VWA3B: variants seen among roughly 807,000 people sequenced by gnomAD.
The protein encoded by VWA3B is von Willebrand factor A domain-containing protein 3B.
VWA3B carries 138 observed loss-of-function variants against 158.3 expected under a neutral mutation model. The ratio of observed to expected loss-of-function variants is 0.87; its 90% CI spans 0.76 to 1.00. The LOEUF (loss-of-function observed/expected upper bound fraction) is 1.00, where lower values mean the gene tolerates loss of function less well. Ranked by LOEUF, VWA3B falls within the 50% of genes least tolerant of loss-of-function variation. VWA3B has a pLI of 0.00. For missense variants in VWA3B, 1,555 were observed against 1,565.1 expected (o/e 0.99, Z 0.11); for synonymous variants, 596 against 587.3 (o/e 1.01, Z -0.21).
intron 21 of VWA3B, among the ~76,000 whole-genome samples, chr2:98,260,899 C>T (rs544236548): frequency 6.6e-6 from 1 of 151,820 alleles, no homozygotes; most frequent in Non-Finnish European, 1.5e-5. Context: ...CATCCTTTCG[C>T]TTTTAACCTA....
chr2:98,266,953 C>A (rs1434706183), intron 21 of VWA3B, among the ~76,000 whole-genome samples: 1 of 149,182 alleles, frequency 6.7e-6, no homozygotes, highest in African/African-American at 2.5e-5. Context: ...TGGGCTGAGA[C>A]AATGGGGTTT....
intron 8 of VWA3B, chr2:98,179,286 G>T (rs2105336519): frequency 2.1e-6 from 1 of 471,160 alleles, no homozygotes; most frequent in African/African-American, 2.0e-5. Flanking sequence ...ATAGTTTTCT[G>T]CTTGTGTGAT....
intron 8 of VWA3B, among the ~76,000 whole-genome samples, chr2:98,174,117 G>A (rs377600471): frequency 8.5e-5 from 13 of 152,252 alleles, no homozygotes; most frequent in Middle Eastern, 3.4e-3. Flanking sequence ...TTCATAGAAG[G>A]CATAAGGACC....
rs1350127437 is a variant in VWA3B, at chr2:98,188,015, G to C, written c.1352G>C (p.Arg451Thr). 2 of 1,613,774 alleles carry C rather than the reference G, an allele frequency of 1.2e-6. No individual in the cohort carries two copies. Among genetic ancestry groups the C allele is most frequent in the Admixed American group, 1.7e-5 (1 of 59,972 alleles). Reference protein sequence around the residue: ...KKTVHAKYCSRFVHAPWKDGS... With the variant: ...KKTVHAKYCSTFVHAPWKDGS... The stretch of plus-strand genomic sequence containing the variant: ...ACAGTCCATGCAAAATATTGCAGCA[G>C]GTTTGTCCATGCTCCCTGGAAGGAT... Residue 451 changes from arginine (R) to threonine (T), a missense_variant, in exon 10 of 28, where the codon AGG becomes ACG. Physicochemically the swap from Arg to Thr is moderately conservative, Grantham distance 71. Transcript: ENST00000477737.
intron 7 of VWA3B, among the ~76,000 whole-genome samples, chr2:98,137,501 A>C (rs1676378387): frequency 2.0e-5 from 3 of 152,236 alleles, no homozygotes; most frequent in Non-Finnish European, 4.4e-5. Context: ...TCACAATTTC[A>C]AATAAAGACA....
chr2:98,102,076 T>C (rs1248335352), intron 2 of VWA3B, among the ~76,000 whole-genome samples: 1 of 152,188 alleles, frequency 6.6e-6, no homozygotes, highest in Non-Finnish European at 1.5e-5. Flanking sequence ...GTGATCACTC[T>C]TAATGAGCAT....
At chr2:98,168,002 C>T (rs1348363516) in intron 8 of VWA3B, among the ~76,000 whole-genome samples, 1 of 152,054 alleles carries the variant, frequency 6.6e-6, no homozygotes, top group African/African-American at 2.4e-5. Context: ...GAACAAAGCT[C>T]AAGAAAATTT....
intron 20 of VWA3B, among the ~76,000 whole-genome samples, chr2:98,254,938 A>G (rs1314301685): frequency 1.3e-5 from 2 of 152,182 alleles, no homozygotes; most frequent in African/African-American, 2.4e-5. Context: ...TGCTGGGTCC[A>G]GTGGTTAGAA....
intron 21 of VWA3B, among the ~76,000 whole-genome samples, chr2:98,264,968 A>G (rs1159810316): frequency 6.6e-6 from 1 of 151,584 alleles, no homozygotes; most frequent in African/African-American, 2.4e-5. Flanking sequence ...CTTTCAATCC[A>G]TGAACACAAA....
At chr2:98,159,601 T>C (rs939810907) in intron 7 of VWA3B, among the ~76,000 whole-genome samples, 1 of 152,104 alleles carries the variant, frequency 6.6e-6, no homozygotes, top group Admixed American at 6.5e-5. Flanking sequence ...AGGCGGGGGA[T>C]TGGGCAGGCA....
At chr2:98,179,812 TTCTTTCTTTCTTTCTTTTTC>T (rs1290485131) in intron 8 of VWA3B, among the ~76,000 whole-genome samples, 4 of 142,202 alleles carry the variant, frequency 2.8e-5, no homozygotes, top group African/African-American at 1.1e-4. Flanking sequence ...CTTTCTTTCT[TTCTTTCTTTCTTTCTTTTTC>T]TTTCTTTCTT....
At chr2:98,228,447 A>AAT in intron 15 of VWA3B, 115 bp downstream of exon 15, 1 of 1,295,760 alleles carries the variant, frequency 7.7e-7, no homozygotes, top group Non-Finnish European at 1.0e-6. Context: ...AGTGAAAAGA[A>AAT]TCACGTAGTG....
chr2:98,282,716 A>C (rs1688954890), intron 22 of VWA3B, among the ~76,000 whole-genome samples: 2 of 152,178 alleles, frequency 1.3e-5, no homozygotes, highest in African/African-American at 4.8e-5. Context: ...TGGGATTACA[A>C]GTGTGAGTCA....
At chr2:98,251,369 G>A (rs965640942) in intron 20 of VWA3B, among the ~76,000 whole-genome samples, 7 of 152,008 alleles carry the variant, frequency 4.6e-5, no homozygotes, top group African/African-American at 1.7e-4. Context: ...TGGAAATAAC[G>A]GCTTTTGTTA....
rs571910980 is a variant in VWA3B, at chr2:98,251,894, C to A, written c.2792+1458C>A. ...GGCTCCTCAGCAGCCTCTGTGGGCTCCTCAGTATTTCTGAATCTTTACCTG... is the reference window on the plus strand; with the variant it reads ...GGCTCCTCAGCAGCCTCTGTGGGCTACTCAGTATTTCTGAATCTTTACCTG... On this transcript the variant is annotated intron_variant, in intron 20 of 27. Coordinates refer to ENST00000477737, the MANE Select transcript of VWA3B (RefSeq NM_144992.5). Among the ~76,000 whole-genome samples, 5 of 152,118 alleles carry A rather than the reference C, an allele frequency of 3.3e-5. No individual in the cohort carries two copies. In the East Asian group the frequency reaches 9.7e-4, roughly 29 times the overall value.
Position 98,173,954 on chromosome 2 carries a change from G to A in VWA3B, c.1115-7062G>A, listed in dbSNP as rs558935255. ...TGCACTCCAGCCTGGGCGACAGAGC[G>A]AGACTCTGTCTCAAAAGAAAAAAAA... On this transcript the variant is annotated intron_variant, in intron 8 of 27. Coordinates refer to ENST00000477737, the MANE Select transcript of VWA3B (RefSeq NM_144992.5). Among the ~76,000 whole-genome samples, 8 of 147,584 alleles carry A rather than the reference G, an allele frequency of 5.4e-5. No individual in the cohort carries two copies. In the East Asian group the frequency reaches 1.3e-3, roughly 23 times the overall value.
intron 8 of VWA3B, among the ~76,000 whole-genome samples, chr2:98,178,279 G>A (rs1410592322): frequency 6.6e-6 from 1 of 152,104 alleles, no homozygotes; most frequent in African/African-American, 2.4e-5. Flanking sequence ...CTGCTCTGAG[G>A]GGCTTTTGAT....
intron 19 of VWA3B, among the ~76,000 whole-genome samples, chr2:98,237,383 A>T (rs1199442666): frequency 6.6e-6 from 1 of 152,188 alleles, no homozygotes; most frequent in African/African-American, 2.4e-5. Context: ...TCTTTTGCTT[A>T]CCTTCTCTTC....
At chr2:98,236,915 C>A in intron 19 of VWA3B, 185 bp downstream of exon 19, 1 of 734,332 alleles carries the variant, frequency 1.4e-6, no homozygotes, top group South Asian at 2.1e-5. Flanking sequence ...GTGGCGCATG[C>A]CTGTAACCCC....
Sources: gnomAD v4.1 joint callset for allele counts (sites outside exome capture counted in the v4.1 genomes callset) on GRCh38, gnomAD v4.1.1 for gene constraint, MANE v1.5 for transcripts, NCBI Gene and HGNC (gene_info 2026-07-23, HGNC 2026-07-21) for gene names.